DOCK3: variants seen among roughly 807,000 people sequenced by gnomAD.
The protein encoded by DOCK3 is dedicator of cytokinesis protein 3.
Under a neutral mutation model 265.6 loss-of-function variants are expected in DOCK3, and 60 were observed. That is an observed-to-expected ratio of 0.23 (90% CI 0.18 to 0.28). DOCK3 has a LOEUF of 0.28. DOCK3 is among the 10% of genes least tolerant of loss of function. DOCK3 has a pLI of 1.00. For missense variants in DOCK3, 1,981 were observed against 2,594.3 expected, an observed-to-expected ratio of 0.76 and a Z score of 5.14; for synonymous variants, 881 against 938.0, an observed-to-expected ratio of 0.94 and a Z score of 1.11.
At position 50,981,830 on chromosome 3, in the gene DOCK3, A is replaced by G. The variant is rs1472678004; in HGVS notation, c.315+47753A>G. Among the ~76,000 whole-genome samples, 3 of 149,778 alleles carry G rather than the reference A, an allele frequency of 2.0e-5. No homozygotes were observed. The Admixed American group carries it at 2.0e-4, about 10-fold the overall frequency. ...TTTTTCATCCCGTTACTTTCAATCTATGTTTTGTTTTTTATTTATTTTATT... is the reference window on the plus strand; with the variant it reads ...TTTTTCATCCCGTTACTTTCAATCTGTGTTTTGTTTTTTATTTATTTTATT... On this transcript the variant is annotated intron_variant, in intron 5 of 52. Coordinates refer to ENST00000266037, the MANE Select transcript of DOCK3 (RefSeq NM_004947.5).
At chr3:50,902,551 G>GT (rs1417623054) in intron 4 of DOCK3, among the ~76,000 whole-genome samples, 1 of 152,078 alleles carries the variant, frequency 6.6e-6, no homozygotes, top group East Asian at 1.9e-4. Flanking sequence ...GTCTGTTTTT[G>GT]TACCAGTACC....
At chr3:51,059,409 A>C (rs932298992) in intron 5 of DOCK3, among the ~76,000 whole-genome samples, 1 of 151,308 alleles carries the variant, frequency 6.6e-6, no homozygotes, top group Admixed American at 6.6e-5. Flanking sequence ...AATACACATG[A>C]TGCCTCAGTA....
At chr3:51,120,950 C>T (rs958390496) in intron 9 of DOCK3, among the ~76,000 whole-genome samples, 1 of 152,198 alleles carries the variant, frequency 6.6e-6, no homozygotes, top group African/African-American at 2.4e-5. Context: ...TTCCTGGCTT[C>T]AGCTTCCTTT....
chr3:51,080,803 A>G (rs2082207605), intron 7 of DOCK3, among the ~76,000 whole-genome samples: 1 of 152,172 alleles, frequency 6.6e-6, no homozygotes, highest in South Asian at 2.1e-4. Flanking sequence ...TAGCTCCTGG[A>G]TATAAAATAA....
intron 12 of DOCK3, among the ~76,000 whole-genome samples, chr3:51,205,206 A>G (rs1167774966): frequency 2.6e-5 from 4 of 152,002 alleles, no homozygotes; most frequent in African/African-American, 9.7e-5. Context: ...TGAAAAAAAA[A>G]GAAAAAGAAG....
At chr3:51,020,710 C>T (rs2079547500) in intron 5 of DOCK3, among the ~76,000 whole-genome samples, 1 of 151,814 alleles carries the variant, frequency 6.6e-6, no homozygotes, top group Admixed American at 6.6e-5. Flanking sequence ...CTCGCAATAC[C>T]ATTTATTAAA....
intron 5 of DOCK3, among the ~76,000 whole-genome samples, chr3:50,977,101 T>C (rs1439654060): frequency 6.6e-6 from 1 of 150,960 alleles, no homozygotes; most frequent in African/African-American, 2.4e-5. Context: ...TTATCCAATT[T>C]GCCAGTCTGT....
intron 2 of DOCK3, among the ~76,000 whole-genome samples, chr3:50,790,754 T>C (rs1341744106): frequency 2.0e-5 from 3 of 152,198 alleles, no homozygotes; most frequent in Non-Finnish European, 4.4e-5. Context: ...TAAGATTCTT[T>C]CCTTCGTCTT....
intron 1 of DOCK3, among the ~76,000 whole-genome samples, chr3:50,745,533 A>G (rs747684822): frequency 6.6e-6 from 1 of 152,062 alleles, no homozygotes; most frequent in African/African-American, 2.4e-5. Flanking sequence ...ATTCTCTTTC[A>G]TGTTGCCGTA....
intron 9 of DOCK3, among the ~76,000 whole-genome samples, chr3:51,140,268 C>T (rs1163538144): frequency 6.6e-6 from 1 of 152,120 alleles, no homozygotes; most frequent in East Asian, 1.9e-4. Flanking sequence ...TCCTCCAGAC[C>T]CCCAGCCCTA....
At chr3:51,294,926 G>C (rs1049803699) in intron 27 of DOCK3, among the ~76,000 whole-genome samples, 1 of 152,086 alleles carries the variant, frequency 6.6e-6, no homozygotes, top group Non-Finnish European at 1.5e-5. Flanking sequence ...AAATATCTGA[G>C]GTGATGAATA....
At chr3:50,694,855 CAAAA>C (rs1397490956) in intron 1 of DOCK3, among the ~76,000 whole-genome samples, 1 of 152,014 alleles carries the variant, frequency 6.6e-6, no homozygotes, top group Non-Finnish European at 1.5e-5. Context: ...AAAAAACAAA[CAAAA>C]AGAACTCAGT....
intron 28 of DOCK3, among the ~76,000 whole-genome samples, chr3:51,311,048 G>C (rs182945362): frequency 6.6e-6 from 1 of 152,280 alleles, no homozygotes; most frequent in East Asian, 1.9e-4. Flanking sequence ...AAATACAAAT[G>C]TTTTATAAAG....
chr3:51,362,453 A>G, intron 48 of DOCK3, 74 bp from the exon 49 acceptor site: 1 of 1,597,446 alleles, frequency 6.3e-7, no homozygotes, highest in Non-Finnish European at 8.5e-7. Flanking sequence ...AGGGCATGAA[A>G]AAGCAAACTC....
At chr3:51,250,758 C>T (rs1483009499) in intron 22 of DOCK3, among the ~76,000 whole-genome samples, 1 of 152,172 alleles carries the variant, frequency 6.6e-6, no homozygotes, top group African/African-American at 2.4e-5. Context: ...GATCTCTGAG[C>T]TGAAGTCAGT....
At chr3:51,232,830 G>C (rs1008705621) in intron 19 of DOCK3, among the ~76,000 whole-genome samples, 1 of 152,152 alleles carries the variant, frequency 6.6e-6, no homozygotes, top group Non-Finnish European at 1.5e-5. Context: ...AGGGTTGTCT[G>C]TTTACTCCAC....
chr3:51,320,864 A>AGAGCACCTG (rs1427539928), intron 32 of DOCK3, among the ~76,000 whole-genome samples: 1 of 152,230 alleles, frequency 6.6e-6, no homozygotes, highest in East Asian at 1.9e-4. Flanking sequence ...TCCCTGGGAC[A>AGAGCACCTG]GAGCACCTGG....
rs908335195 is a variant in DOCK3 at position 51,203,906 on chromosome 3, C to A, written c.1038-4868C>A. On this transcript the variant is annotated intron_variant, in intron 12 of 52. Transcript: ENST00000266037. Reference sequence around the variant, plus strand: ...CTTTGACAAACCTGACAAAAACAAGCAATGGGGAAAGGATTCCCTATTTAA... The same window carrying A: ...CTTTGACAAACCTGACAAAAACAAGAAATGGGGAAAGGATTCCCTATTTAA... Among the ~76,000 whole-genome samples, 12 of 152,148 alleles carry A rather than the reference C, an allele frequency of 7.9e-5. No homozygotes were observed. In the South Asian group the frequency reaches 8.3e-4, roughly 11 times the overall value.
At chr3:51,073,090 A>G (rs4582086) in intron 6 of DOCK3, among the ~76,000 whole-genome samples, 137,116 of 152,148 alleles carry the variant, frequency 0.9, 61,982 homozygotes, top group African/African-American at 0.95. Flanking sequence ...GTTCACATAT[A>G]TTTATAGATC....
Sources: allele counts gnomAD v4.1 joint callset (sites outside exome capture counted in the v4.1 genomes callset), GRCh38; gene constraint gnomAD v4.1.1; transcripts MANE v1.5; gene names NCBI Gene and HGNC (gene_info 2026-07-23, HGNC 2026-07-21).